ZNF423: variants seen among roughly 807,000 people sequenced by gnomAD.
ZNF423 encodes the protein zinc finger protein 423.
In ZNF423, 12 loss-of-function variants were observed where a neutral mutation model predicts 95.8. The ratio of observed to expected loss-of-function variants is 0.13; its 90% CI spans 0.08 to 0.20. The LOEUF is 0.20. Ranked by LOEUF, ZNF423 falls within the 10% of genes least tolerant of loss-of-function variation. ZNF423 has a pLI of 1.00. For missense variants in ZNF423, 1,316 were observed against 1,737.1 expected (o/e 0.76, Z 4.31); for synonymous variants, 749 against 711.9 (o/e 1.05, Z -0.83).
chr16:49,560,622 C>T (rs567023538), intron 5 of ZNF423, among the ~76,000 whole-genome samples: 18 of 152,286 alleles, frequency 1.2e-4, no homozygotes, highest in Non-Finnish European at 2.2e-4. Context: ...GCCGGCTCTA[C>T]CATGGGGCCT....
At chr16:49,791,338 T>A (rs1003683089) in intron 1 of ZNF423, among the ~76,000 whole-genome samples, 1 of 152,186 alleles carries the variant, frequency 6.6e-6, no homozygotes, top group African/African-American at 2.4e-5. Flanking sequence ...TTCACTAAAA[T>A]GATTCCAACC....
chr16:49,660,147 C>T (rs2030129046), intron 3 of ZNF423, among the ~76,000 whole-genome samples: 1 of 152,182 alleles, frequency 6.6e-6, no homozygotes, highest in African/African-American at 2.4e-5. Flanking sequence ...CCCTGGATTC[C>T]TGGATCCCTG....
Position 49,637,308 on chromosome 16 carries a change from G to C in ZNF423, c.1868C>G (p.Pro623Arg). ...PVSSDVEVSS[P>R]KRQRLSASAN... is the part of the protein sequence containing the mutation. ...GCTTGCTGAGAGCCGCTGCCGCTTC[G>C]GGGAAGACACCTCCACATCGGACGA... Residue 623 changes from proline to arginine, a missense_variant, in exon 4 of 8, where the codon CCG becomes CGG. Transcript: ENST00000563137. This position sits in a 1 kb window ranked among gnomAD's most constrained non-coding sequence, Gnocchi z 5.6. 1 of 1,614,172 alleles carries C rather than the reference G, an allele frequency of 6.2e-7. No homozygotes were observed. The highest frequency in any genetic ancestry group is 8.5e-7 in the Non-Finnish European group (1 of 1,180,022).
chr16:49,586,218 C>T (rs1970827553), intron 5 of ZNF423, among the ~76,000 whole-genome samples: 1 of 151,950 alleles, frequency 6.6e-6, no homozygotes, highest in Non-Finnish European at 1.5e-5. Context: ...GCGTCGCTGA[C>T]AGAGTAGCGT....
chr16:49,821,085 CCTGTT>C (rs1477898435), intron 1 of ZNF423, among the ~76,000 whole-genome samples: 3 of 152,140 alleles, frequency 2.0e-5, no homozygotes, highest in African/African-American at 4.8e-5. Context: ...CATGCCAAAA[CCTGTT>C]CACTTTCAAA....
chr16:49,540,602 TG>T (rs990782249), intron 5 of ZNF423, among the ~76,000 whole-genome samples: 14 of 152,306 alleles, frequency 9.2e-5, no homozygotes, highest in African/African-American at 2.6e-4. Context: ...ACTCAGATTT[TG>T]GGGGAAAAAG....
intron 5 of ZNF423, among the ~76,000 whole-genome samples, chr16:49,552,343 T>C (rs1042901888): frequency 3.9e-5 from 6 of 152,132 alleles, no homozygotes; most frequent in Non-Finnish European, 7.3e-5. Context: ...TCAACTCTCT[T>C]ATACTTGATG....
At chr16:49,715,431 C>A (rs2032675715) in intron 3 of ZNF423, among the ~76,000 whole-genome samples, 1 of 152,124 alleles carries the variant, frequency 6.6e-6, no homozygotes, top group Non-Finnish European at 1.5e-5. Context: ...ATGAGCACGG[C>A]CTGTTGACGG....
chr16:49,612,928 C>T (rs1206703566), intron 5 of ZNF423, among the ~76,000 whole-genome samples: 1 of 150,834 alleles, frequency 6.6e-6, no homozygotes, highest in African/African-American at 2.4e-5. Flanking sequence ...TTTATAATTG[C>T]TCAAAAAATT....
rs1283160446 is a variant in ZNF423 at position 49,603,767 on chromosome 16, C to T, written c.3601+22403G>A. ...CCACATTTTCATTTGGCATCAGGTC[C>T]CACAAATTATTCAGCTGATCTTTCC... On this transcript the variant is annotated intron_variant, in intron 5 of 7. Transcript: ENST00000563137. The surrounding 1 kb of genome is among the most constrained non-coding windows in gnomAD (Gnocchi z 4.1). Among the ~76,000 whole-genome samples the T allele has an allele frequency of 6.6e-6, 1 of 152,150 alleles. No individual in the cohort carries two copies. The highest frequency in any genetic ancestry group is 1.5e-5 in the Non-Finnish European group (1 of 68,034).
chr16:49,589,153 C>T (rs1970930482), intron 5 of ZNF423, among the ~76,000 whole-genome samples: 1 of 152,194 alleles, frequency 6.6e-6, no homozygotes, highest in South Asian at 2.1e-4. Flanking sequence ...AACCCCTCTT[C>T]CCACTCCACA....
intron 3 of ZNF423, among the ~76,000 whole-genome samples, chr16:49,703,407 G>A (rs930613309): frequency 4.6e-5 from 7 of 152,196 alleles, no homozygotes; most frequent in Admixed American, 4.6e-4. Context: ...GTTTCCCAGG[G>A]CAGGGTGCCC....
chr16:49,813,178 T>A (rs1234834516), intron 1 of ZNF423, among the ~76,000 whole-genome samples: 1 of 152,022 alleles, frequency 6.6e-6, no homozygotes, highest in African/African-American at 2.4e-5. Context: ...TAGACTGGAC[T>A]TCCCCCAAAT....
At chr16:49,817,772 T>A (rs1488032618) in intron 1 of ZNF423, among the ~76,000 whole-genome samples, 2 of 152,148 alleles carry the variant, frequency 1.3e-5, no homozygotes, top group Non-Finnish European at 2.9e-5. Context: ...GCTTTGTCCA[T>A]GCAGTTTGAG....
intron 7 of ZNF423, among the ~76,000 whole-genome samples, chr16:49,520,315 A>C (rs937275283): frequency 6.6e-6 from 1 of 152,186 alleles, no homozygotes; most frequent in African/African-American, 2.4e-5. Flanking sequence ...CCTTTGAATT[A>C]ATCTCAGTCT....
At chr16:49,743,741 A>G (rs1317340976) in intron 2 of ZNF423, among the ~76,000 whole-genome samples, 1 of 151,598 alleles carries the variant, frequency 6.6e-6, no homozygotes, top group Non-Finnish European at 1.5e-5. Flanking sequence ...CCTCCTACCA[A>G]CGAGCCTCCA....
chr16:49,492,626 A>G lies in ZNF423; in HGVS notation c.3850-1322T>C, dbSNP rs987822875. Among the ~76,000 whole-genome samples, 1 of 152,100 alleles carries G rather than the reference A, an allele frequency of 6.6e-6. No individual in the cohort carries two copies. Among genetic ancestry groups the G allele is most frequent in the Non-Finnish European group, 1.5e-5 (1 of 67,970 alleles). On this transcript the variant is annotated intron_variant, in intron 7 of 7. Coordinates refer to ENST00000563137, the MANE Select transcript of ZNF423 (RefSeq NM_001379286.1). This position sits in a 1 kb window ranked among gnomAD's most constrained non-coding sequence, Gnocchi z 4.2. ...TTCCTGCGAGCTCCCGGCCGGGAAG[A>G]GGCAGCCCGCGCCTGCCTCCCAGCA...
intron 2 of ZNF423, among the ~76,000 whole-genome samples, chr16:49,781,837 A>G (rs987761148): frequency 8.5e-5 from 13 of 152,188 alleles, no homozygotes; most frequent in African/African-American, 2.7e-4. Flanking sequence ...GGAGGCTTCA[A>G]TGCATTCTTC....
intron 1 of ZNF423, 112 bp from the exon 2 acceptor site, chr16:49,789,658 C>CCTCTCCCCTGGTGATGGGT: frequency 1.0e-6 from 1 of 1,003,270 alleles, no homozygotes; most frequent in African/African-American, 1.7e-5. Flanking sequence ...TTATAATACC[C>CCTCTCCCCTGGTGATGGGT]ATCACCAGGG....
Sources: allele counts gnomAD v4.1 joint callset (sites outside exome capture counted in the v4.1 genomes callset), GRCh38; gene constraint gnomAD v4.1.1; non-coding constraint Gnocchi (gnomAD v3.1); transcripts MANE v1.5; gene names NCBI Gene and HGNC (gene_info 2026-07-23, HGNC 2026-07-21).